The following LRP1B variants were observed in gnomAD, a reference collection of about 807,000 sequenced individuals.
LRP1B encodes the protein LDL receptor related protein 1B.
LRP1B carries 217 observed loss-of-function variants against 556.6 expected under a neutral mutation model. That is an observed-to-expected ratio of 0.39 (90% CI 0.35 to 0.44). LRP1B has a LOEUF of 0.44. Ranked by LOEUF, LRP1B falls within the 20% of genes least tolerant of loss-of-function variation. LRP1B has a pLI of 1.00. For synonymous variants in LRP1B, 2,047 were observed against 1,865.8 expected, an observed-to-expected ratio of 1.10 and a Z score of -2.50; for missense variants, 5,053 against 5,620.8, an observed-to-expected ratio of 0.90 and a Z score of 3.23.
intron 7 of LRP1B, among the ~76,000 whole-genome samples, chr2:141,084,705 A>T (rs1257481382): frequency 6.8e-6 from 1 of 147,766 alleles, no homozygotes; most frequent in African/African-American, 2.5e-5. Flanking sequence ...ACTGGAGTGC[A>T]GTGGTGCGAT....
At chr2:141,258,974 T>C (rs1236432009) in intron 3 of LRP1B, among the ~76,000 whole-genome samples, 1 of 152,132 alleles carries the variant, frequency 6.6e-6, no homozygotes, top group Admixed American at 6.6e-5. Context: ...AATGGACTAA[T>C]ACAGCCCTTA....
chr2:141,845,769 T>C (rs1410629340), intron 1 of LRP1B, among the ~76,000 whole-genome samples: 1 of 151,666 alleles, frequency 6.6e-6, no homozygotes, highest in Non-Finnish European at 1.5e-5. Context: ...AGAGCTAACA[T>C]AGAAAAATAA....
chr2:141,431,584 C>T (rs901227322), intron 3 of LRP1B, among the ~76,000 whole-genome samples: 5 of 152,102 alleles, frequency 3.3e-5, no homozygotes, highest in African/African-American at 1.2e-4. Flanking sequence ...GAAATATTGC[C>T]ATTTAAACAA....
chr2:141,113,625 T>C (rs1700808677), intron 7 of LRP1B, among the ~76,000 whole-genome samples: 1 of 152,140 alleles, frequency 6.6e-6, no homozygotes, highest in South Asian at 2.1e-4. Context: ...GAACCAACAC[T>C]GGTACCTCAC....
chr2:140,824,129 T>TAAA (rs11376103), intron 31 of LRP1B, among the ~76,000 whole-genome samples: 2 of 150,700 alleles, frequency 1.3e-5, no homozygotes, highest in African/African-American at 4.9e-5. Context: ...TTTAAAAAAA[T>TAAA]AAAAAAAAAT....
At chr2:141,673,424 G>T (rs907754568) in intron 2 of LRP1B, among the ~76,000 whole-genome samples, 1 of 152,132 alleles carries the variant, frequency 6.6e-6, no homozygotes, top group Non-Finnish European at 1.5e-5. Flanking sequence ...ATAGACTTGT[G>T]TCTTCCCTCA....
intron 40 of LRP1B, 29 bp downstream of exon 40, chr2:140,701,692 A>ATAT (rs1445218404): frequency 1.3e-6 from 2 of 1,589,058 alleles, no homozygotes; most frequent in Non-Finnish European, 1.7e-6. Flanking sequence ...TAAAATATAC[A>ATAT]TATTATGTAT....
chr2:141,490,369 T>TTGTGTGTGTGTGTGTGTGTGTGTG (rs557540972), intron 2 of LRP1B, among the ~76,000 whole-genome samples: 89 of 108,642 alleles, frequency 8.2e-4, no homozygotes, highest in Middle Eastern at 4.2e-3. Context: ...TAAAATAGCC[T>TTGTGTGTGTGTGTGTGTGTGTGTG]CGTGTGTGTG....
chr2:140,949,784 C>T lies in LRP1B; in HGVS notation c.3136+451G>A, dbSNP rs556570057. On this transcript the variant is annotated intron_variant, in intron 20 of 90. Transcript: ENST00000389484. ...TGAAACCCCGTCCCTACTAAAAATA[C>T]AAAAAATTAGCCGGGCATGGTGGCA... 1.3e-5 allele frequency among the ~76,000 whole-genome samples: 2 copies of T among 151,060 alleles called. 1 individual carries two copies. The highest frequency in any genetic ancestry group is 4.8e-5 in the African/African-American group (2 of 41,284).
At chr2:141,167,228 A>C (rs1680306778) in intron 7 of LRP1B, 1 of 151,918 alleles carries the variant, frequency 6.6e-6, no homozygotes, top group Admixed American at 6.6e-5. Flanking sequence ...GCTCAAACAC[A>C]CATAAAATGC....
intron 37 of LRP1B, among the ~76,000 whole-genome samples, chr2:140,714,233 G>T (rs973768014): frequency 6.6e-6 from 1 of 152,144 alleles, no homozygotes; most frequent in Non-Finnish European, 1.5e-5. Context: ...ATTGAAGGCT[G>T]AGGATGACAT....
At chr2:142,054,138 G>C (rs994611789) in intron 1 of LRP1B, among the ~76,000 whole-genome samples, 1 of 152,010 alleles carries the variant, frequency 6.6e-6, no homozygotes, top group Non-Finnish European at 1.5e-5. Context: ...TGAAATCTAA[G>C]TCATTATTAC....
At chr2:140,260,480 TATAG>T (rs2104925143) in intron 86 of LRP1B, among the ~76,000 whole-genome samples, 1 of 151,970 alleles carries the variant, frequency 6.6e-6, no homozygotes, top group African/African-American at 2.4e-5. Context: ...GTGTATTATA[TATAG>T]ATATATACAC....
chr2:140,769,153 T>A (rs1689215800), intron 35 of LRP1B, 60 bp downstream of exon 35: 2 of 1,467,822 alleles, frequency 1.4e-6, no homozygotes, highest in Non-Finnish European at 1.9e-6. Context: ...TGTATTCCCA[T>A]CATGTTTAAT....
chr2:141,835,967 A>C (rs1697262281), intron 1 of LRP1B, among the ~76,000 whole-genome samples: 1 of 152,036 alleles, frequency 6.6e-6, no homozygotes, highest in Admixed American at 6.6e-5. Context: ...AAACATTTTA[A>C]TATCTGATAT....
chr2:141,209,681 C>G (rs1682457485), intron 6 of LRP1B, among the ~76,000 whole-genome samples: 2 of 152,018 alleles, frequency 1.3e-5, no homozygotes, highest in African/African-American at 4.8e-5. Context: ...AAATGGTGTC[C>G]CCCAAGGAAC....
rs575232912 is a variant in LRP1B at position 141,642,792 on chromosome 2, T to G, written c.206-162259A>C. 5.9e-5 allele frequency among the ~76,000 whole-genome samples: 9 copies of G among 152,180 alleles called. No homozygotes were observed. The South Asian group carries it at 1.9e-3, about 32-fold the overall frequency. On this transcript the variant is annotated intron_variant, in intron 2 of 90. Transcript: ENST00000389484. Reference sequence around the variant, plus strand: ...GTTTTTGGTGGCACTAACCACAAAATGAAATGGCAGATAATAAAACTGTTC... The same window carrying G: ...GTTTTTGGTGGCACTAACCACAAAAGGAAATGGCAGATAATAAAACTGTTC...
In LRP1B at chr2:140,611,985, G is replaced by A. The variant is rs182260547; in HGVS notation, c.6800-10346C>T. Among the ~76,000 whole-genome samples, 301 of 152,150 alleles carry A rather than the reference G, an allele frequency of 2.0e-3. 1 individual carries two copies. The highest frequency in any genetic ancestry group is 3.7e-3 in the Non-Finnish European group (250 of 67,946). On this transcript the variant is annotated intron_variant, in intron 41 of 90. Coordinates refer to ENST00000389484, the MANE Select transcript of LRP1B (RefSeq NM_018557.3). ...TTAAAATGTTTAAATGGAGTGGAAA[G>A]GGTATAAATGTAAACACACTTAGTT...
chr2:141,955,935 G>T (rs1404713583), intron 1 of LRP1B, among the ~76,000 whole-genome samples: 1 of 151,984 alleles, frequency 6.6e-6, no homozygotes, highest in Non-Finnish European at 1.5e-5. Flanking sequence ...CAGGTGCAGT[G>T]GTTCGCAACT....
Sources: gnomAD v4.1 joint callset for allele counts (sites outside exome capture counted in the v4.1 genomes callset) on GRCh38, gnomAD v4.1.1 for gene constraint, MANE v1.5 for transcripts, NCBI Gene and HGNC (gene_info 2026-07-23, HGNC 2026-07-21) for gene names.